The following LARP4 variants were observed in gnomAD, a reference collection of about 807,000 sequenced individuals.
The protein encoded by LARP4 is la-related protein 4.
Under a neutral mutation model 92.9 loss-of-function variants are expected in LARP4, and 29 were observed. That is an observed-to-expected ratio of 0.31 (90% CI 0.23 to 0.43). LARP4 has a LOEUF of 0.43. LARP4 is among the 20% of genes least tolerant of loss of function. The pLI is 1.00. For missense variants in LARP4, 732 were observed against 860.0 expected (o/e 0.85, Z 1.86); for synonymous variants, 279 against 284.1 (o/e 0.98, Z 0.18).
At chr12:50,469,097 A>G (rs1956566955) in intron 13 of LARP4, among the ~76,000 whole-genome samples, 1 of 151,904 alleles carries the variant, frequency 6.6e-6, no homozygotes, top group Non-Finnish European at 1.5e-5. Flanking sequence ...GCATTCTGAA[A>G]ATGTTTTTCT....
rs1955006548 is a variant in LARP4 at position 50,459,816 on chromosome 12, C to T, written c.1122-1319C>T. 2.7e-5 allele frequency among the ~76,000 whole-genome samples: 3 copies of T among 109,940 alleles called. No individual in the cohort carries two copies. The South Asian group carries it at 1.1e-3, about 40-fold the overall frequency. 72.1% of individuals were successfully genotyped at this position (109,940 alleles called of 152,430 possible). ...TCCAGCCTGGCGACAGAGCAAGACTCCGTATCAAAAAAAAAAAAAAAAAAA... is the reference window on the plus strand; with the variant it reads ...TCCAGCCTGGCGACAGAGCAAGACTTCGTATCAAAAAAAAAAAAAAAAAAA... On this transcript the variant is annotated intron_variant, in intron 10 of 15. Transcript: ENST00000398473.
At chr12:50,453,811 T>G (rs1209850933) in intron 9 of LARP4, 139 bp downstream of exon 9, 1 of 599,702 alleles carries the variant, frequency 1.7e-6, no homozygotes, top group African/African-American at 1.9e-5. Flanking sequence ...TTTTGTATTT[T>G]TCGTAGAGAT....
chr12:50,467,428 G>A (rs1301138731), intron 13 of LARP4, among the ~76,000 whole-genome samples: 1 of 151,646 alleles, frequency 6.6e-6, no homozygotes, highest in Non-Finnish European at 1.5e-5. Context: ...GTAGCTGGGA[G>A]TACAGGCATG....
intron 8 of LARP4, among the ~76,000 whole-genome samples, chr12:50,451,115 T>C (rs1398899404): frequency 6.6e-6 from 1 of 152,196 alleles, no homozygotes; most frequent in Admixed American, 6.5e-5. Context: ...AAGTCAGCAA[T>C]TTTGAATTAC....
intron 4 of LARP4, among the ~76,000 whole-genome samples, chr12:50,431,573 G>A (rs1486752517): frequency 6.6e-6 from 1 of 152,082 alleles, no homozygotes; most frequent in Non-Finnish European, 1.5e-5. Flanking sequence ...TGGGCCAGGC[G>A]CAGTGGCTCA....
Position 50,477,817 on chromosome 12 carries a change from G to C in LARP4, c.*1953G>C, listed in dbSNP as rs914872469. ...TGTGCTGAAATTTGGGGGAAGTTTA[G>C]GTCCTTTAAAAAAACATATTAATCA... On this transcript the variant is annotated 3_prime_UTR_variant, in exon 16 of 16. Coordinates refer to ENST00000398473, the MANE Select transcript of LARP4 (RefSeq NM_052879.5). 4 of 152,326 alleles carry C rather than the reference G, an allele frequency of 2.6e-5. No individual in the cohort carries two copies. The highest frequency in any genetic ancestry group is 9.7e-5 in the African/African-American group (4 of 41,378). The allele number at this position is 152,326 out of a possible 1,614,324, so 9.4% of individuals were successfully genotyped here. A position where few individuals can be genotyped will look rare whatever the true frequency, so the allele number is the denominator to read the frequency against.
intron 10 of LARP4, among the ~76,000 whole-genome samples, chr12:50,460,309 C>G (rs1252827155): frequency 6.6e-6 from 1 of 152,104 alleles, no homozygotes; most frequent in African/African-American, 2.4e-5. Context: ...CCCCGTCTCT[C>G]CAAACACAAC....
intron 1 of LARP4, among the ~76,000 whole-genome samples, chr12:50,422,122 C>G (rs558094043): frequency 3.5e-4 from 53 of 151,932 alleles, no homozygotes; most frequent in African/African-American, 1.2e-3. Flanking sequence ...GGCATCCACC[C>G]CCACGACTGG....
chr12:50,407,275 C>T (rs1174134334), intron 1 of LARP4, among the ~76,000 whole-genome samples: 3 of 152,096 alleles, frequency 2.0e-5, no homozygotes, highest in East Asian at 1.9e-4. Context: ...CCACCCTCCT[C>T]GGCCTCCCAA....
chr12:50,472,917 C>G (rs1957091665), intron 13 of LARP4, among the ~76,000 whole-genome samples: 1 of 151,716 alleles, frequency 6.6e-6, no homozygotes, highest in South Asian at 2.1e-4. Flanking sequence ...CCTCCCAGGT[C>G]CTGGTTCAAG....
intron 8 of LARP4, among the ~76,000 whole-genome samples, chr12:50,446,464 G>T (rs1167433818): frequency 8.9e-6 from 1 of 112,826 alleles, no homozygotes; most frequent in African/African-American, 3.4e-5. Context: ...GTCTCGCTCT[G>T]TTATCCAGGC....
chr12:50,465,576 G>A (rs1956052107), intron 12 of LARP4, among the ~76,000 whole-genome samples: 2 of 152,226 alleles, frequency 1.3e-5, no homozygotes, highest in African/African-American at 4.8e-5. Flanking sequence ...TAATTGGAGT[G>A]ATAAGCTCAT....
intron 1 of LARP4, among the ~76,000 whole-genome samples, chr12:50,403,868 A>G (rs1944319596): frequency 6.6e-6 from 1 of 152,210 alleles, no homozygotes; most frequent in South Asian, 2.1e-4. Context: ...TTTTGCATAT[A>G]TAGATATCTG....
chr12:50,467,518 G>T (rs1956304075), intron 13 of LARP4, among the ~76,000 whole-genome samples: 3 of 151,976 alleles, frequency 2.0e-5, no homozygotes. Flanking sequence ...GGCCAGGCTG[G>T]TCTCCAGCTC....
At chr12:50,420,757 T>C (rs778723049) in intron 1 of LARP4, 13 of 152,286 alleles carry the variant, frequency 8.5e-5, no homozygotes, top group Middle Eastern at 3.4e-3. Context: ...GAGAATTTAC[T>C]AAGAAGTTCT....
At chr12:50,412,399 T>A (rs1340728756) in intron 1 of LARP4, 12 of 971,832 alleles carry the variant, frequency 1.2e-5, no homozygotes, top group Non-Finnish European at 1.5e-5. Context: ...TATTTCTGTT[T>A]TACAGCATTT....
intron 1 of LARP4, among the ~76,000 whole-genome samples, chr12:50,407,403 C>T (rs558268375): frequency 3.2e-4 from 48 of 152,290 alleles, no homozygotes; most frequent in Middle Eastern, 6.8e-3. Context: ...TTGTTACTAA[C>T]ATACTCTGAT....
chr12:50,466,722 A>G (rs965433854), intron 12 of LARP4, among the ~76,000 whole-genome samples: 3 of 152,206 alleles, frequency 2.0e-5, no homozygotes, highest in East Asian at 3.8e-4. Context: ...CTTAAGGAGT[A>G]TGGCAAAGTT....
intron 6 of LARP4, among the ~76,000 whole-genome samples, chr12:50,439,755 G>A (rs1192942596): frequency 6.6e-6 from 1 of 151,964 alleles, no homozygotes; most frequent in East Asian, 1.9e-4. Flanking sequence ...TACTTCTTAA[G>A]GATACTTAAT....
Sources: allele counts gnomAD v4.1 joint callset (sites outside exome capture counted in the v4.1 genomes callset), GRCh38; gene constraint gnomAD v4.1.1; transcripts MANE v1.5; gene names NCBI Gene and HGNC (gene_info 2026-07-23, HGNC 2026-07-21).